GFPT1: variants seen among roughly 807,000 people sequenced by gnomAD.
GFPT1 encodes the protein glutamine--fructose-6-phosphate transaminase 1, also known as glutamine--fructose-6-phosphate aminotransferase [isomerizing] 1.
Under a neutral mutation model 92.0 loss-of-function variants are expected in GFPT1, and 40 were observed. The ratio of observed to expected loss-of-function variants is 0.43; its 90% CI spans 0.34 to 0.57. The LOEUF is 0.57. Among genes scored for constraint, GFPT1 ranks in the 20% least tolerant of loss-of-function variants. The pLI, the probability that GFPT1 is intolerant of heterozygous loss-of-function variation, is 0.02. For missense variants in GFPT1, 448 were observed against 869.1 expected, an observed-to-expected ratio of 0.52 and a Z score of 6.09; for synonymous variants, 269 against 280.6, an observed-to-expected ratio of 0.96 and a Z score of 0.41.
chr2:69,343,368 C>A lies in GFPT1; in HGVS notation c.1106-1119G>T, dbSNP rs554650137. ...CCTCATCCTGCTGCTCTCTCTGAAC[C>A]ATTTTCAGTCTGTCTACTCTGCCCC... On this transcript the variant is annotated intron_variant, in intron 12 of 19. Coordinates refer to ENST00000357308, the MANE Select transcript of GFPT1 (RefSeq NM_001244710.2). Among the ~76,000 whole-genome samples the A allele has an allele frequency of 2.9e-3, 445 of 152,042 alleles. 3 individuals are homozygous for A. Among genetic ancestry groups the A allele is most frequent in the African/African-American group, 8.4e-3 (350 of 41,506 alleles).
intron 3 of GFPT1, among the ~76,000 whole-genome samples, chr2:69,366,406 G>C (rs974637292): frequency 1.3e-5 from 2 of 152,050 alleles, no homozygotes; most frequent in Non-Finnish European, 2.9e-5. Context: ...CCATTTTAAA[G>C]CCCTTTGCTG....
rs754200036 is a variant in GFPT1 at position 69,374,136 on chromosome 2, T to C, written c.8-23A>G. Reference sequence around the variant, plus strand: ...TACCTGCAAATAAACAAATATTTAATGAAAAATTCTGATTTAAAAAATCAA... The same window carrying C: ...TACCTGCAAATAAACAAATATTTAACGAAAAATTCTGATTTAAAAAATCAA... On this transcript the variant is annotated intron_variant, in intron 1 of 19. Coordinates refer to ENST00000357308, the MANE Select transcript of GFPT1 (RefSeq NM_001244710.2). 8.9e-6 allele frequency: 10 copies of C among 1,117,654 alleles called. No homozygotes were observed. In the South Asian group the frequency reaches 1.1e-4, roughly 13 times the overall value. The allele number at this position is 1,117,654 out of a possible 1,614,324, so 69.2% of individuals were successfully genotyped here. A position where few individuals can be genotyped will look rare whatever the true frequency, so the allele number is the denominator to read the frequency against.
chr2:69,325,970 T>C lies in GFPT1; in HGVS notation c.*219A>G, dbSNP rs1243143222. On this transcript the variant is annotated 3_prime_UTR_variant, in exon 20 of 20. Coordinates refer to ENST00000357308, the MANE Select transcript of GFPT1 (RefSeq NM_001244710.2). ...AATCTTTCTGATACAGATTCCAATA[T>C]AGATTCCATTATTCAAAGTCCTCCA... The C allele has an allele frequency of 1.5e-5, 8 of 525,854 alleles. No homozygotes were observed. Among genetic ancestry groups the C allele is most frequent in the East Asian group, 3.1e-5 (1 of 32,400 alleles). 32.6% of individuals were successfully genotyped at this position (525,854 alleles called of 1,614,324 possible). A position where few individuals can be genotyped will look rare whatever the true frequency, so the allele number is the denominator to read the frequency against.
chr2:69,369,221 A>G, intron 3 of GFPT1, among the ~76,000 whole-genome samples: 1 of 152,236 alleles, frequency 6.6e-6, no homozygotes, highest in East Asian at 1.9e-4. Context: ...CAAGTACTAC[A>G]GAGCTAAACG....
chr2:69,375,801 A>G (rs185311545), intron 1 of GFPT1, among the ~76,000 whole-genome samples: 38 of 152,366 alleles, frequency 2.5e-4, no homozygotes, highest in African/African-American at 8.4e-4. Flanking sequence ...GATACCCACA[A>G]ATAGCATTCC....
chr2:69,384,985 A>C (rs913732500), intron 1 of GFPT1, among the ~76,000 whole-genome samples: 10 of 152,172 alleles, frequency 6.6e-5, no homozygotes, highest in African/African-American at 1.9e-4. Flanking sequence ...TTTACATTAG[A>C]GAGAAAATAA....
chr2:69,350,419 A>C (rs982097762), intron 9 of GFPT1, among the ~76,000 whole-genome samples: 1 of 152,192 alleles, frequency 6.6e-6, no homozygotes, highest in Non-Finnish European at 1.5e-5. Flanking sequence ...AAAGTGCTAC[A>C]TTATATGTTT....
chr2:69,332,412 G>C (rs1477234889), intron 15 of GFPT1, among the ~76,000 whole-genome samples: 1 of 149,828 alleles, frequency 6.7e-6, no homozygotes, highest in Non-Finnish European at 1.5e-5. Flanking sequence ...TCCTGGGTTC[G>C]CGTGATTCTC....
At chr2:69,382,451 C>T (rs1558788410) in intron 1 of GFPT1, among the ~76,000 whole-genome samples, 2 of 152,212 alleles carry the variant, frequency 1.3e-5, no homozygotes, top group Non-Finnish European at 2.9e-5. Context: ...TTTCATATTA[C>T]TTGCAGCCCT....
intron 3 of GFPT1, among the ~76,000 whole-genome samples, chr2:69,369,625 C>T (rs1168770530): frequency 6.6e-6 from 1 of 152,178 alleles, no homozygotes; most frequent in Non-Finnish European, 1.5e-5. Flanking sequence ...GGCATTTAAT[C>T]CAAAGTGAAG....
At chr2:69,348,441 T>C (rs1168936514) in intron 10 of GFPT1, 107 bp from the exon 11 acceptor site, 2 of 894,582 alleles carry the variant, frequency 2.2e-6, no homozygotes, top group East Asian at 4.9e-5. Flanking sequence ...ACTCTATCAC[T>C]CTGCAGTATC....
chr2:69,331,248 CT>C (rs1008829847), intron 15 of GFPT1, among the ~76,000 whole-genome samples: 10 of 151,942 alleles, frequency 6.6e-5, no homozygotes, highest in Admixed American at 5.2e-4. Flanking sequence ...TAAAGCTAAG[CT>C]TTTTTTTCAT....
intron 1 of GFPT1, among the ~76,000 whole-genome samples, chr2:69,380,155 T>C (rs549489641): frequency 6.6e-5 from 10 of 152,034 alleles, no homozygotes; most frequent in African/African-American, 1.9e-4. Flanking sequence ...CTGGCCAACA[T>C]GGTGAAACCC....
At chr2:69,331,282 C>T (rs1670656702) in intron 15 of GFPT1, among the ~76,000 whole-genome samples, 1 of 151,994 alleles carries the variant, frequency 6.6e-6, no homozygotes. Context: ...TTTATATTTT[C>T]TCTTTTGACA....
intron 3 of GFPT1, among the ~76,000 whole-genome samples, chr2:69,366,117 T>A (rs1471781404): frequency 6.7e-6 from 1 of 149,824 alleles, no homozygotes; most frequent in African/African-American, 2.5e-5. Context: ...CCTGGCCTCT[T>A]TGACAACTTT....
chr2:69,333,997 A>T (rs1460692227), intron 15 of GFPT1, among the ~76,000 whole-genome samples: 1 of 152,114 alleles, frequency 6.6e-6, no homozygotes, highest in Non-Finnish European at 1.5e-5. Flanking sequence ...CTCTACTAAA[A>T]ATACAAAAAT....
intron 3 of GFPT1, among the ~76,000 whole-genome samples, chr2:69,367,344 T>TGTTGTTG (rs1553392924): frequency 1.3e-5 from 2 of 150,250 alleles, no homozygotes; most frequent in East Asian, 3.9e-4. Flanking sequence ...CAACTTATTT[T>TGTTGTTG]TTGTTGTTGT....
intron 15 of GFPT1, chr2:69,334,485 T>C (rs1357609355): frequency 2.0e-5 from 3 of 152,114 alleles, no homozygotes; most frequent in Admixed American, 6.6e-5. Context: ...TGTACTATCT[T>C]TGCAACTTCC....
At chr2:69,331,606 T>C (rs1383784367) in intron 15 of GFPT1, among the ~76,000 whole-genome samples, 1 of 152,148 alleles carries the variant, frequency 6.6e-6, no homozygotes, top group African/African-American at 2.4e-5. Context: ...TTATGTTAGA[T>C]TTTGCATTTT....
Sources: allele counts gnomAD v4.1 joint callset (sites outside exome capture counted in the v4.1 genomes callset), GRCh38; gene constraint gnomAD v4.1.1; transcripts MANE v1.5; gene names NCBI Gene and HGNC (gene_info 2026-07-23, HGNC 2026-07-21).